The following MIA3 variants were observed in gnomAD, a reference collection of about 807,000 sequenced individuals.
MIA3 encodes the protein MIA SH3 domain ER export factor 3.
A neutral mutation model predicts 192.4 loss-of-function variants in MIA3; 90 were observed. That is an observed-to-expected ratio of 0.47 (90% CI 0.39 to 0.56). The LOEUF is 0.56. Among genes scored for constraint, MIA3 ranks in the 20% least tolerant of loss-of-function variants. MIA3 has a pLI of 0.00. For synonymous variants in MIA3, 740 were observed against 792.8 expected (o/e 0.93, Z 1.12); for missense variants, 2,123 against 2,269.4 (o/e 0.94, Z 1.31).
chr1:222,642,276 T>C (rs1174372805), intron 6 of MIA3, among the ~76,000 whole-genome samples: 1 of 152,160 alleles, frequency 6.6e-6, no homozygotes, highest in Non-Finnish European at 1.5e-5. Context: ...TTGAATGTCA[T>C]ATTTCCCTCA....
At chr1:222,654,845 T>C in intron 18 of MIA3, 52 bp downstream of exon 18, 1 of 1,440,016 alleles carries the variant, frequency 6.9e-7, no homozygotes, top group Non-Finnish European at 9.7e-7. Context: ...AGTAAATAAA[T>C]GTGTACTAAT....
At chr1:222,638,387 A>G (rs1303686353) in intron 6 of MIA3, among the ~76,000 whole-genome samples, 1 of 152,194 alleles carries the variant, frequency 6.6e-6, no homozygotes, top group East Asian at 1.9e-4. Flanking sequence ...AAAAGGAGAA[A>G]TTAGTATTTT....
At chr1:222,646,302 G>A (rs1663139673) in intron 7 of MIA3, among the ~76,000 whole-genome samples, 1 of 151,886 alleles carries the variant, frequency 6.6e-6, no homozygotes. Context: ...TGTAATCCCA[G>A]CTACTCGGGA....
Position 222,621,145 on chromosome 1 carries a change from C to A in MIA3, c.134-14C>A. The A allele has an allele frequency of 6.3e-7, 1 of 1,577,350 alleles. No individual in the cohort carries two copies. The highest frequency in any genetic ancestry group is 2.0e-5 in the Admixed American group (1 of 49,814). On this transcript the variant is annotated splice_polypyrimidine_tract_variant and intron_variant, in intron 1 of 27. Coordinates refer to ENST00000344922, the MANE Select transcript of MIA3 (RefSeq NM_198551.4). The stretch of plus-strand genomic sequence containing the variant: ...TGATATCTGGCTATTTTTTTTCTCT[C>A]TCTTTATATACAGTGTTAATGTACC...
At chr1:222,661,734 A>G (rs1321883736) in intron 24 of MIA3, among the ~76,000 whole-genome samples, 3 of 152,216 alleles carry the variant, frequency 2.0e-5, no homozygotes, top group Non-Finnish European at 4.4e-5. Flanking sequence ...AAATATGTCT[A>G]TAATACTCAG....
intron 6 of MIA3, among the ~76,000 whole-genome samples, chr1:222,634,596 A>T (rs779554576): frequency 2.0e-5 from 3 of 152,190 alleles, no homozygotes; most frequent in Non-Finnish European, 4.4e-5. Flanking sequence ...TTTAGGACTT[A>T]GCTCCCCCTT....
At chr1:222,658,569 T>C (rs551910707) in intron 18 of MIA3, 153 bp from the exon 19 acceptor site, 45 of 520,852 alleles carry the variant, frequency 8.6e-5, no homozygotes, top group Non-Finnish European at 1.4e-4. Context: ...GTTGGATTTT[T>C]ATCCTAAAGG....
In MIA3 at chr1:222,627,900, T is replaced by C. The variant is rs1662193317; in HGVS notation, c.680T>C (p.Phe227Ser). 1 of 1,614,050 alleles carries C rather than the reference T, an allele frequency of 6.2e-7. No individual in the cohort carries two copies. The highest frequency in any genetic ancestry group is 8.5e-7 in the Non-Finnish European group (1 of 1,180,018). The change falls in exon 4 of 28, where the codon TTT (phenylalanine) becomes TCT (serine). Residue 227 changes from phenylalanine (F) to serine (S), a missense_variant. By Grantham distance (155) the Phe-to-Ser change is radical. This residue lies in a region of MIA3 where 1,357 missense variants were observed against 1,396.1 expected (regional missense o/e 0.97). Coordinates refer to ENST00000344922, the MANE Select transcript of MIA3 (RefSeq NM_198551.4). ...CATGCTCAGGGAGAGCAGGCTTCATTTGAATCTTTTGAAGAAATGCTGCAA... is the reference window on the plus strand; with the variant it reads ...CATGCTCAGGGAGAGCAGGCTTCATCTGAATCTTTTGAAGAAATGCTGCAA... The part of the protein sequence containing the change: ...ANHAQGEQAS[F>S]ESFEEMLQDK...
In MIA3 at chr1:222,629,051, G is replaced by C. The variant is rs376343121; in HGVS notation, c.1831G>C (p.Val611Leu). The C allele has an allele frequency of 6.2e-7, 1 of 1,614,216 alleles. No individual in the cohort carries two copies. The highest frequency in any genetic ancestry group is 8.5e-7 in the Non-Finnish European group (1 of 1,180,040). The part of the protein sequence containing the change: ...VNGAKLHTLS[V>L]EHQREELKEE... The stretch of plus-strand genomic sequence containing the variant: ...TGGGGCCAAACTGCACACGCTTTCA[G>C]TGGAGCATCAACGTGAGGAATTGAA... The change falls in exon 4 of 28, where the codon GTG (valine) becomes CTG (leucine). Residue 611 changes from valine to leucine, a missense_variant. Val to Leu is a conservative substitution (Grantham distance 32). Transcript: ENST00000344922.
At position 222,629,340 on chromosome 1, in the gene MIA3, A is replaced by T. The variant is rs1374891884; in HGVS notation, c.2120A>T (p.Gln707Leu). Residue 707 changes from glutamine (Q) to leucine (L), a missense_variant, in exon 4 of 28, where the codon CAA becomes CTA. By Grantham distance (113) the Gln-to-Leu change is moderately radical. Around this residue, in one of 3 missense-constraint regions of MIA3, gnomAD observed 1,357 missense variants for 1,396.1 expected, o/e 0.97. Coordinates refer to ENST00000344922, the MANE Select transcript of MIA3 (RefSeq NM_198551.4). ...GGCACAGAGGTAGGACAGACAGACC[A>T]AACTGACAGCACAGGAGGACCAGCT... ...MQGTEVGQTD[Q>L]TDSTGGPAFL... is the part of the protein sequence containing the mutation. The T allele has an allele frequency of 6.2e-7, 1 of 1,614,210 alleles. No homozygotes were observed. Among genetic ancestry groups the T allele is most frequent in the East Asian group, 2.2e-5 (1 of 44,884 alleles).
intron 7 of MIA3, among the ~76,000 whole-genome samples, chr1:222,646,633 T>A (rs1470402148): frequency 6.6e-6 from 1 of 151,772 alleles, no homozygotes; most frequent in Non-Finnish European, 1.5e-5. Context: ...GAGCCTGTAA[T>A]CCCAGCTACT....
At chr1:222,630,485 A>G (rs779451070) in intron 4 of MIA3, 96 bp downstream of exon 4, 19 of 1,308,676 alleles carry the variant, frequency 1.5e-5, no homozygotes, top group Middle Eastern at 2.7e-4. Context: ...TCAGTTTCCA[A>G]TGTGCCTAAA....
chr1:222,632,088 C>G (rs1411109595), intron 4 of MIA3, 77 bp from the exon 5 acceptor site: 1 of 1,384,978 alleles, frequency 7.2e-7, no homozygotes, highest in African/African-American at 1.4e-5. Context: ...TTGAGGTGCC[C>G]TGGTGTGGTC....
Position 222,627,745 on chromosome 1 carries a change from G to GGAAGGT in MIA3, c.528_529insGGTGAA (p.Glu176_Pro177insGlyGlu). Reference sequence around the variant, plus strand: ...AAAACCCTGAATTATCTAAGGAAAGGGAACCTGAACCTGAACCAGTAGAAG... The same window carrying GGAAGGT: ...AAAACCCTGAATTATCTAAGGAAAGGGAAGGTGAACCTGAACCTGAACCAGTAGAAG... On this transcript the variant is annotated inframe_insertion, in exon 4 of 28. Transcript: ENST00000344922. 1 of 1,612,658 alleles carries GGAAGGT rather than the reference G, an allele frequency of 6.2e-7. No individual in the cohort carries two copies. The highest frequency in any genetic ancestry group is 8.5e-7 in the Non-Finnish European group (1 of 1,179,748).
intron 6 of MIA3, chr1:222,644,379 C>A: frequency 6.6e-7 from 1 of 1,521,992 alleles, no homozygotes; most frequent in Non-Finnish European, 8.9e-7. Context: ...AGTCCGCCCC[C>A]TGAATTGGGG....
chr1:222,630,223 T>A lies in MIA3; in HGVS notation c.3003T>A (p.Asn1001Lys). ...TGCTTGATACTCGTGTGGCTGAAAA[T>A]AGAGATCTGGGAATGAACGAAAATA... is the stretch of plus-strand genomic sequence containing the variant. ...EKMLDTRVAENRDLGMNENNI... is the reference protein window; with the variant it reads ...EKMLDTRVAEKRDLGMNENNI... Residue 1001 changes from asparagine to lysine, a missense_variant, in exon 4 of 28, where the codon AAT (asparagine) becomes AAA (lysine). By Grantham distance (94) the Asn-to-Lys change is moderately conservative. Around this residue, in one of 3 missense-constraint regions of MIA3, gnomAD observed 1,357 missense variants for 1,396.1 expected, o/e 0.97. Coordinates refer to ENST00000344922, the MANE Select transcript of MIA3 (RefSeq NM_198551.4). 6.2e-7 allele frequency: 1 copy of A among 1,614,108 alleles called. No homozygotes were observed. The highest frequency in any genetic ancestry group is 8.5e-7 in the Non-Finnish European group (1 of 1,180,014).
intron 3 of MIA3, among the ~76,000 whole-genome samples, chr1:222,627,259 C>A (rs1229937236): frequency 1.3e-5 from 2 of 152,200 alleles, no homozygotes; most frequent in African/African-American, 2.4e-5. Context: ...CATGGAGGAA[C>A]AGAATATGTG....
chr1:222,653,175 A>T (rs374205649), intron 14 of MIA3, 45 bp downstream of exon 14: 1 of 1,596,220 alleles, frequency 6.3e-7, no homozygotes, highest in Non-Finnish European at 8.6e-7. Context: ...TGAATTATCA[A>T]ATCTGTTGAA....
At chr1:222,621,132 A>T in intron 1 of MIA3, 27 bp from the exon 2 acceptor site, 1 of 1,564,390 alleles carries the variant, frequency 6.4e-7, no homozygotes, top group Non-Finnish European at 8.6e-7. Flanking sequence ...ATATCTGGCT[A>T]TTTTTTTTCT....
Sources: allele counts gnomAD v4.1 joint callset (sites outside exome capture counted in the v4.1 genomes callset), GRCh38; gene constraint gnomAD v4.1.1; regional missense constraint gnomAD v4.1.1; transcripts MANE v1.5; gene names NCBI Gene and HGNC (gene_info 2026-07-23, HGNC 2026-07-21).